Variants in RDH13 observed in about 807,000 individuals in gnomAD.
RDH13 encodes retinol dehydrogenase 13.
A neutral mutation model predicts 28.3 loss-of-function variants in RDH13; 35 were observed. That is an observed-to-expected ratio of 1.24 (90% CI 0.95 to 1.64). The LOEUF (loss-of-function observed/expected upper bound fraction) is 1.64. Among genes scored for constraint, RDH13 ranks in the 40% most tolerant of loss-of-function variants. The pLI is 0.00. For synonymous variants in RDH13, 229 were observed against 198.5 expected, an observed-to-expected ratio of 1.15 and a Z score of -1.29; for missense variants, 514 against 446.3, an observed-to-expected ratio of 1.15 and a Z score of -1.37.
At chr19:55,064,715 C>T (rs560003858), upstream of RDH13, among the ~76,000 whole-genome samples, 10 of 150,558 alleles carry the variant, frequency 6.6e-5, no homozygotes, top group South Asian at 2.1e-4. Flanking sequence ...TAGGTTCAAG[C>T]GATTCTCCTG....
intron 2 of RDH13, among the ~76,000 whole-genome samples, chr19:55,057,687 C>CG (rs2075682990): frequency 6.6e-6 from 1 of 152,050 alleles, no homozygotes; most frequent in East Asian, 1.9e-4. Flanking sequence ...ATCCACCCCG[C>CG]GGCCTCCCAA....
At chr19:55,059,021 T>C (rs1291053686) in intron 2 of RDH13, 136 bp downstream of exon 2, 5 of 654,868 alleles carry the variant, frequency 7.6e-6, no homozygotes, top group African/African-American at 3.6e-5. Context: ...CCCCTGTCTA[T>C]AGAAGCCACA....
intron 3 of RDH13, among the ~76,000 whole-genome samples, chr19:55,056,370 C>T (rs541326672): frequency 5.9e-5 from 9 of 152,058 alleles, no homozygotes; most frequent in Admixed American, 3.9e-4. Flanking sequence ...GGCTGAGGTC[C>T]GCGCTTGAAC....
At chr19:55,051,952 G>T (rs570556744) in intron 3 of RDH13, among the ~76,000 whole-genome samples, 1 of 151,318 alleles carries the variant, frequency 6.6e-6, no homozygotes, top group African/African-American at 2.4e-5. Flanking sequence ...GGCTGGTCTC[G>T]AATTTCTGAG....
intron 1 of RDH13, among the ~76,000 whole-genome samples, chr19:55,060,846 A>C (rs988232199): frequency 1.3e-5 from 2 of 152,118 alleles, no homozygotes; most frequent in African/African-American, 2.4e-5. Flanking sequence ...ATTTAAATTT[A>C]AAATGCCCGC....
chr19:55,063,124 C>G lies in RDH13; in HGVS notation c.-92G>C, dbSNP rs568366857. 1.2e-4 allele frequency: 142 copies of G among 1,167,732 alleles called. 1 individual carries two copies. In the African/African-American group the frequency reaches 2.1e-3, roughly 17 times the overall value. 72.3% of individuals were successfully genotyped at this position (1,167,732 alleles called of 1,614,324 possible). ...GGTAGCTCCGAGGAAGAGCGCGCGA[C>G]GCAGCCACAGGCGAGCGGAGGCGCA... is the stretch of plus-strand genomic sequence containing the variant. On this transcript the variant is annotated 5_prime_UTR_variant, in exon 1 of 7. Coordinates refer to ENST00000415061, the MANE Select transcript of RDH13 (RefSeq NM_001145971.2).
At chr19:55,046,075 T>C (rs1004003407) in intron 6 of RDH13, among the ~76,000 whole-genome samples, 12 of 150,790 alleles carry the variant, frequency 8.0e-5, no homozygotes, top group Non-Finnish European at 1.8e-4. Context: ...TGTGAAACCC[T>C]GTCTCAACTA....
At chr19:55,045,412 G>T in intron 6 of RDH13, 103 bp from the exon 7 acceptor site, 2 of 845,862 alleles carry the variant, frequency 2.4e-6, no homozygotes, top group Non-Finnish European at 3.7e-6. Flanking sequence ...GTCCCACAGA[G>T]CCCTCCTCTA....
intron 3 of RDH13, among the ~76,000 whole-genome samples, chr19:55,051,430 C>CT (rs956534758): frequency 3.8e-3 from 557 of 146,000 alleles, no homozygotes; most frequent in African/African-American, 4.0e-3. Flanking sequence ...GGTTTTTTTT[C>CT]TTTTTTTTTT....
chr19:55,047,575 C>T (rs1245658863), intron 5 of RDH13, 87 bp from the exon 6 acceptor site: 20 of 1,494,498 alleles, frequency 1.3e-5, no homozygotes, highest in East Asian at 7.4e-5. Flanking sequence ...GTGGGGCTTC[C>T]GGGCACCAGG....
chr19:55,056,237 G>A (rs980709607), intron 3 of RDH13, among the ~76,000 whole-genome samples: 12 of 152,148 alleles, frequency 7.9e-5, no homozygotes, highest in African/African-American at 2.9e-4. Flanking sequence ...GCTGAGGCAG[G>A]AGAATCACCT....
intron 2 of RDH13, among the ~76,000 whole-genome samples, chr19:55,058,243 C>T (rs1360329971): frequency 1.3e-5 from 2 of 151,896 alleles, no homozygotes; most frequent in African/African-American, 2.4e-5. Context: ...ACAAACTTAG[C>T]TGGGTGTGGT....
chr19:55,045,946 C>CAA (rs11356856), intron 6 of RDH13, among the ~76,000 whole-genome samples: 31 of 89,370 alleles, frequency 3.5e-4, no homozygotes, highest in African/African-American at 1.2e-3. Context: ...GACTTCGTCT[C>CAA]AAAAAAAAAA....
Position 55,063,068 on chromosome 19 carries a change from G to C in RDH13, c.-36C>G, listed in dbSNP as rs754563609. On this transcript the variant is annotated 5_prime_UTR_variant, in exon 1 of 7. Transcript: ENST00000415061. ...GGACAGGCGTCAGGCGTCAGGGGTCGGCGCGGAGCTTGCTGCACACCAGCC... is the reference window on the plus strand; with the variant it reads ...GGACAGGCGTCAGGCGTCAGGGGTCCGCGCGGAGCTTGCTGCACACCAGCC... 7.1e-6 allele frequency: 8 copies of C among 1,119,760 alleles called. No homozygotes were observed. Among genetic ancestry groups the C allele is most frequent in the Non-Finnish European group, 9.0e-6 (8 of 893,398 alleles). The allele number at this position is 1,119,760 out of a possible 1,614,324, so 69.4% of individuals were successfully genotyped here.
chr19:55,062,193 G>C (rs938987505), intron 1 of RDH13, among the ~76,000 whole-genome samples: 2 of 148,398 alleles, frequency 1.3e-5, no homozygotes, highest in Non-Finnish European at 3.0e-5. Context: ...CACACCTTCC[G>C]AGGATTAGGA....
In RDH13 at chr19:55,063,045, A is replaced by ACGGGCGT; in HGVS notation, c.-14_-13insACGCCCG. On this transcript the variant is annotated 5_prime_UTR_variant, in exon 1 of 7. Coordinates refer to ENST00000415061, the MANE Select transcript of RDH13 (RefSeq NM_001145971.2). ...GGTAGCGGCTCATGCCGGGCCGGGG[A>ACGGGCGT]CAGGCGTCAGGCGTCAGGGGTCGGC... The ACGGGCGT allele has an allele frequency of 1.6e-6, 2 of 1,241,892 alleles. No homozygotes were observed. The highest frequency in any genetic ancestry group is 7.6e-5 in the East Asian group (2 of 26,274). 76.9% of individuals were successfully genotyped at this position (1,241,892 alleles called of 1,614,324 possible). A position where few individuals can be genotyped will look rare whatever the true frequency, so the allele number is the denominator to read the frequency against.
At chr19:55,050,101 GC>G (rs199991911) in intron 3 of RDH13, among the ~76,000 whole-genome samples, 20,410 of 143,094 alleles carry the variant, frequency 0.14, 1,689 homozygotes, top group Middle Eastern at 0.32. Flanking sequence ...CAATTTCACT[GC>G]CCCCAGCCTA....
intron 6 of RDH13, among the ~76,000 whole-genome samples, chr19:55,045,986 G>A (rs1285806942): frequency 6.2e-5 from 9 of 144,086 alleles, no homozygotes; most frequent in South Asian, 2.2e-4. Flanking sequence ...GGTGACTCAC[G>A]CCTGTAATCC....
At chr19:55,062,170 G>A (rs1385284720) in intron 1 of RDH13, among the ~76,000 whole-genome samples, 1 of 151,784 alleles carries the variant, frequency 6.6e-6, no homozygotes, top group African/African-American at 2.4e-5. Flanking sequence ...TCTGACACGT[G>A]AGGTAATGTC....
Sources: gnomAD v4.1 joint callset for allele counts (sites outside exome capture counted in the v4.1 genomes callset) on GRCh38, gnomAD v4.1.1 for gene constraint, MANE v1.5 for transcripts, NCBI Gene and HGNC (gene_info 2026-07-23, HGNC 2026-07-21) for gene names.